Variants in NKD1 observed in about 807,000 individuals in gnomAD.
NKD1 encodes protein naked cuticle homolog 1.
NKD1 carries 21 observed loss-of-function variants against 56.0 expected under a neutral mutation model. The ratio of observed to expected loss-of-function variants is 0.38; its 90% CI spans 0.27 to 0.54. The LOEUF is 0.54. Among genes scored for constraint, NKD1 ranks in the 20% least tolerant of loss-of-function variants. The probability of loss-of-function intolerance (pLI) is 0.82; values close to 1 mark genes in which losing one functional copy is unlikely to be tolerated. For missense variants in NKD1, 578 were observed against 642.7 expected (o/e 0.90, Z 1.09); for synonymous variants, 263 against 265.7 (o/e 0.99, Z 0.10).
At chr16:50,571,276 C>A (rs1292534423) in intron 3 of NKD1, among the ~76,000 whole-genome samples, 2 of 152,178 alleles carry the variant, frequency 1.3e-5, no homozygotes, top group Non-Finnish European at 2.9e-5. Flanking sequence ...ACACAGAGGC[C>A]AGGGCTCTGC....
intron 3 of NKD1, among the ~76,000 whole-genome samples, chr16:50,578,799 G>A (rs879873659): frequency 4.6e-5 from 7 of 152,092 alleles, no homozygotes; most frequent in Non-Finnish European, 1.0e-4. Flanking sequence ...GCTATGTCTC[G>A]GTCACTGCCT....
At chr16:50,612,214 C>G (rs964054388) in intron 4 of NKD1, among the ~76,000 whole-genome samples, 1 of 152,252 alleles carries the variant, frequency 6.6e-6, no homozygotes, top group Non-Finnish European at 1.5e-5. Context: ...GCCTCTCAGG[C>G]AGGACCTGTG....
At chr16:50,574,434 A>G (rs1596714436) in intron 3 of NKD1, 1 of 985,426 alleles carries the variant, frequency 1.0e-6, no homozygotes, top group African/African-American at 1.7e-5. Context: ...CCCAGGGACT[A>G]AATTTAGGAT....
At chr16:50,587,753 A>G (rs1438447450) in intron 3 of NKD1, among the ~76,000 whole-genome samples, 3 of 152,178 alleles carry the variant, frequency 2.0e-5, no homozygotes, top group African/African-American at 4.8e-5. Flanking sequence ...TCTGTGGCCT[A>G]TTAGGAACTG....
chr16:50,633,871 G>T lies in NKD1; in HGVS notation c.*90G>T, dbSNP rs1310752020. 3.2e-6 allele frequency: 2 copies of T among 615,808 alleles called. No homozygotes were observed. The highest frequency in any genetic ancestry group is 1.9e-5 in the African/African-American group (1 of 52,776). The allele number at this position is 615,808 out of a possible 1,614,324, so 38.1% of individuals were successfully genotyped here. On this transcript the variant is annotated 3_prime_UTR_variant, in exon 10 of 10. Coordinates refer to ENST00000268459, the MANE Select transcript of NKD1 (RefSeq NM_033119.5). This position sits in a 1 kb window ranked among gnomAD's most constrained non-coding sequence, Gnocchi z 4.9. ...TTATTCTATTAATTATTGTTATTAT[G>T]ATGATTATTGTTATTAATAATTATT...
In NKD1 at chr16:50,630,094, C is replaced by T. The variant is rs925159136; in HGVS notation, c.463-92C>T. On this transcript the variant is annotated intron_variant, in intron 6 of 9. Transcript: ENST00000268459. ...CTGCTTTGGGGCAGCCAGAGGGGTTCAGGCCTGCAGCGTCCACCAGGCCCT... is the reference window on the plus strand; with the variant it reads ...CTGCTTTGGGGCAGCCAGAGGGGTTTAGGCCTGCAGCGTCCACCAGGCCCT... The T allele has an allele frequency of 1.1e-5, 13 of 1,213,600 alleles. No homozygotes were observed. In the Admixed American group the frequency reaches 1.5e-4, roughly 14 times the overall value. The allele number at this position is 1,213,600 out of a possible 1,614,324, so 75.2% of individuals were successfully genotyped here.
At chr16:50,616,875 C>T (rs758693331) in intron 4 of NKD1, among the ~76,000 whole-genome samples, 6 of 152,216 alleles carry the variant, frequency 3.9e-5, no homozygotes, top group Non-Finnish European at 8.8e-5. Flanking sequence ...GGGTATTGGT[C>T]ATATGAGTGG....
chr16:50,608,499 G>T, intron 4 of NKD1, 139 bp downstream of exon 4: 3 of 619,240 alleles, frequency 4.8e-6, no homozygotes, highest in East Asian at 6.4e-5. Flanking sequence ...GGTGGGGGTG[G>T]ACTAGAGGGT....
chr16:50,549,121 AC>A (rs1313354589), intron 2 of NKD1: 1 of 134,790 alleles, frequency 7.4e-6, no homozygotes, highest in Non-Finnish European at 1.5e-5. Context: ...CCCTCTCCTG[AC>A]CCCCAGCCCT....
At chr16:50,551,968 T>C (rs1960396729) in intron 3 of NKD1, 1 of 152,182 alleles carries the variant, frequency 6.6e-6, no homozygotes, top group South Asian at 2.1e-4. Flanking sequence ...TGATTCCCTC[T>C]GGTGCCGAAG....
At chr16:50,616,133 C>T (rs1022767165) in intron 4 of NKD1, 9 of 453,944 alleles carry the variant, frequency 2.0e-5, no homozygotes, top group East Asian at 1.4e-4. Context: ...TGTACGTGGA[C>T]GATTGAGAAA....
At chr16:50,622,874 T>C (rs1324818100) in intron 5 of NKD1, among the ~76,000 whole-genome samples, 1 of 151,962 alleles carries the variant, frequency 6.6e-6, no homozygotes, top group African/African-American at 2.4e-5. Context: ...GCACAGTCAG[T>C]GATGAGATGA....
At chr16:50,629,351 C>A (rs1962292859) in intron 6 of NKD1, among the ~76,000 whole-genome samples, 1 of 152,188 alleles carries the variant, frequency 6.6e-6, no homozygotes, top group Admixed American at 6.5e-5. Context: ...CGAATACAAT[C>A]ACATTGGGGG....
At chr16:50,562,964 AG>A (rs1216702531) in intron 3 of NKD1, among the ~76,000 whole-genome samples, 1 of 143,404 alleles carries the variant, frequency 7.0e-6, no homozygotes, top group Non-Finnish European at 1.5e-5. Flanking sequence ...CTCTCTTGAA[AG>A]GGCTGCTAGG....
At chr16:50,612,669 C>A (rs1961872808) in intron 4 of NKD1, among the ~76,000 whole-genome samples, 1 of 152,130 alleles carries the variant, frequency 6.6e-6, no homozygotes, top group East Asian at 1.9e-4. Context: ...AAGGAGCCAG[C>A]CATGGAAGAA....
chr16:50,625,841 T>TA (rs1555491599), intron 6 of NKD1, among the ~76,000 whole-genome samples: 1 of 93,332 alleles, frequency 1.1e-5, no homozygotes, highest in Non-Finnish European at 2.7e-5. Flanking sequence ...GGAAAGAAGT[T>TA]GGGGGGGGCA....
intron 4 of NKD1, among the ~76,000 whole-genome samples, chr16:50,615,892 T>A (rs1415158078): frequency 6.6e-6 from 1 of 152,216 alleles, no homozygotes; most frequent in African/African-American, 2.4e-5. Context: ...GCTAGGACCC[T>A]CATTCCCTAA....
intron 3 of NKD1, among the ~76,000 whole-genome samples, chr16:50,601,283 G>T (rs1961589577): frequency 6.6e-6 from 1 of 152,228 alleles, no homozygotes; most frequent in African/African-American, 2.4e-5. Flanking sequence ...TGGGAGCTGT[G>T]GGAGTCAGAG....
intron 3 of NKD1, among the ~76,000 whole-genome samples, chr16:50,602,249 C>T (rs904218375): frequency 6.6e-6 from 1 of 152,168 alleles, no homozygotes; most frequent in South Asian, 2.1e-4. Flanking sequence ...TGGACAGCCC[C>T]GGTCTTCCTC....
Sources: gnomAD v4.1 joint callset for allele counts (sites outside exome capture counted in the v4.1 genomes callset) on GRCh38, gnomAD v4.1.1 for gene constraint, Gnocchi (gnomAD v3.1) non-coding constraint, MANE v1.5 for transcripts, NCBI Gene and HGNC (gene_info 2026-07-23, HGNC 2026-07-21) for gene names.